RAPGEF5: variants seen among roughly 807,000 people sequenced by gnomAD.
RAPGEF5 encodes M-Ras-regulated GEF.
RAPGEF5 carries 65 observed loss-of-function variants against 125.2 expected under a neutral mutation model. That is an observed-to-expected ratio of 0.52 (90% CI 0.43 to 0.64). The LOEUF (loss-of-function observed/expected upper bound fraction) is 0.64, where lower values mean the gene tolerates loss of function less well. RAPGEF5 is among the 30% of genes least tolerant of loss of function. The pLI is 0.00. For synonymous variants in RAPGEF5, 391 were observed against 385.9 expected (o/e 1.01, Z -0.16); for missense variants, 958 against 1,048.1 (o/e 0.91, Z 1.19).
intron 7 of RAPGEF5, among the ~76,000 whole-genome samples, chr7:22,248,490 C>A (rs11975330): frequency 5.9e-5 from 9 of 151,980 alleles, no homozygotes; most frequent in Non-Finnish European, 1.3e-4. Context: ...GTGATGGAAT[C>A]TGCCCCTTCC....
At chr7:22,170,340 C>A (rs1475092641) in intron 11 of RAPGEF5, among the ~76,000 whole-genome samples, 1 of 152,188 alleles carries the variant, frequency 6.6e-6, no homozygotes, top group Non-Finnish European at 1.5e-5. Flanking sequence ...CGGGCGTGAG[C>A]CACTGAGCCT....
Position 22,156,815 on chromosome 7 carries a change from T to G in RAPGEF5, c.1631A>C (p.Glu544Ala), listed in dbSNP as rs775216639. The G allele has an allele frequency of 9.3e-6, 15 of 1,613,778 alleles. No individual in the cohort carries two copies. In the Admixed American group the frequency reaches 1.2e-4, roughly 13 times the overall value. Residue 544 changes from glutamate to alanine, a missense_variant, in exon 16 of 26, where the codon GAG becomes GCG. Physicochemically the swap from Glu to Ala is moderately radical, Grantham distance 107. Coordinates refer to ENST00000665637, the MANE Select transcript of RAPGEF5 (RefSeq NM_012294.5). The stretch of plus-strand genomic sequence containing the variant: ...TCACTTCAAACCATACTCACTTTCC[T>G]CCGTTTCAGTCACAGTTCCTCTATG... ...LQHRGTVTET[E>A]EIFCHVYITE...
chr7:22,121,908 A>G lies in RAPGEF5; in HGVS notation c.*498T>C, dbSNP rs1010895491. 6.3e-6 allele frequency: 1 copy of G among 157,746 alleles called. No homozygotes were observed. The highest frequency in any genetic ancestry group is 1.4e-5 in the Non-Finnish European group (1 of 70,800). The allele number at this position is 157,746 out of a possible 1,614,324, so 9.8% of individuals were successfully genotyped here. ...TGGTGATGTCACAGGTTGTATCAAC[A>G]GAAACCTCTCCTCCCTGGAGATCTA... On this transcript the variant is annotated 3_prime_UTR_variant, in exon 26 of 26. Coordinates refer to ENST00000665637, the MANE Select transcript of RAPGEF5 (RefSeq NM_012294.5).
At chr7:22,275,443 A>G (rs149831330) in intron 6 of RAPGEF5, among the ~76,000 whole-genome samples, 1 of 152,276 alleles carries the variant, frequency 6.6e-6, no homozygotes, top group African/African-American at 2.4e-5. Flanking sequence ...CATTAACTTC[A>G]AGTATTTCAA....
At chr7:22,155,035 C>T (rs186092127) in intron 16 of RAPGEF5, among the ~76,000 whole-genome samples, 1 of 152,276 alleles carries the variant, frequency 6.6e-6, no homozygotes, top group East Asian at 1.9e-4. Flanking sequence ...TAAATTTTTC[C>T]TTTACACTCC....
At chr7:22,210,478 G>C (rs9639424) in intron 9 of RAPGEF5, among the ~76,000 whole-genome samples, 106,103 of 152,070 alleles carry the variant, frequency 0.7, 37,217 homozygotes, top group East Asian at 0.76. Flanking sequence ...ACCCCGACTC[G>C]CACCTCTGAG....
intron 5 of RAPGEF5, among the ~76,000 whole-genome samples, chr7:22,297,044 T>C (rs1783078906): frequency 6.6e-6 from 1 of 152,242 alleles, no homozygotes; most frequent in Non-Finnish European, 1.5e-5. Flanking sequence ...CAGAAAAGAA[T>C]AGAAGAGGTA....
At chr7:22,202,793 G>A (rs1785308982) in intron 9 of RAPGEF5, 1 of 181,674 alleles carries the variant, frequency 5.5e-6, no homozygotes, top group Admixed American at 5.9e-5. Flanking sequence ...TCAAATCCTA[G>A]AGTTGCCACT....
intron 6 of RAPGEF5, among the ~76,000 whole-genome samples, chr7:22,288,904 T>C (rs1422064920): frequency 6.6e-6 from 1 of 152,356 alleles, no homozygotes; most frequent in East Asian, 1.9e-4. Context: ...CATTAATCTG[T>C]TGTTCAAAAA....
At chr7:22,259,130 C>T (rs1323078139) in intron 7 of RAPGEF5, among the ~76,000 whole-genome samples, 1 of 151,088 alleles carries the variant, frequency 6.6e-6, no homozygotes, top group East Asian at 2.0e-4. Context: ...AACTGTTATC[C>T]AAAATATACA....
intron 17 of RAPGEF5, among the ~76,000 whole-genome samples, chr7:22,152,994 A>G (rs1333607568): frequency 1.3e-5 from 2 of 152,346 alleles, no homozygotes; most frequent in African/African-American, 2.4e-5. Flanking sequence ...CTAATTTAAT[A>G]GAGTGTGAAA....
At chr7:22,282,151 C>T (rs1347315072) in intron 6 of RAPGEF5, among the ~76,000 whole-genome samples, 1 of 152,202 alleles carries the variant, frequency 6.6e-6, no homozygotes, top group Non-Finnish European at 1.5e-5. Flanking sequence ...TAACTGAGCA[C>T]AATGACTTTT....
intron 9 of RAPGEF5, among the ~76,000 whole-genome samples, chr7:22,200,166 A>G (rs1785244669): frequency 6.6e-6 from 1 of 152,148 alleles, no homozygotes; most frequent in Non-Finnish European, 1.5e-5. Context: ...TGTCTGTTAT[A>G]CAAATGTGGG....
At position 22,145,160 on chromosome 7, in the gene RAPGEF5, G is replaced by A. The variant is rs1017363262; in HGVS notation, c.2070C>T (p.Ser690=). The A allele has an allele frequency of 6.2e-7, 1 of 1,613,430 alleles. No individual in the cohort carries two copies. Among genetic ancestry groups the A allele is most frequent in the Non-Finnish European group, 8.5e-7 (1 of 1,179,700 alleles). The change falls in exon 20 of 26, where the codon AGC becomes AGT. Residue 690 remains serine, a synonymous_variant. Transcript: ENST00000665637. The stretch of plus-strand genomic sequence containing the variant: ...CCTCATTGCATCTCTGGAGCAGAAG[G>A]CTGAGATTTGCAGTGTGTTCCCCAC... The part of the protein sequence containing the change: ...QGSGEHTANL[S]LLLQRCNEVQ...
At chr7:22,163,654 G>T (rs1015895482) in intron 12 of RAPGEF5, among the ~76,000 whole-genome samples, 2 of 152,070 alleles carry the variant, frequency 1.3e-5, no homozygotes, top group African/African-American at 4.8e-5. Context: ...AACCTCAAAG[G>T]CAAAGTGTTT....
At chr7:22,241,559 T>C (rs1309861230) in intron 7 of RAPGEF5, among the ~76,000 whole-genome samples, 1 of 152,232 alleles carries the variant, frequency 6.6e-6, no homozygotes, top group South Asian at 2.1e-4. Flanking sequence ...TGTACAATTG[T>C]TTGTGAAATT....
chr7:22,349,419 A>AT, intron 1 of RAPGEF5, among the ~76,000 whole-genome samples: 1 of 122,938 alleles, frequency 8.1e-6, no homozygotes, highest in Non-Finnish European at 1.7e-5. Context: ...GTGAGACTCC[A>AT]TCCAAAAAAA....
At chr7:22,171,188 G>T (rs1402564931) in intron 11 of RAPGEF5, among the ~76,000 whole-genome samples, 2 of 152,092 alleles carry the variant, frequency 1.3e-5, no homozygotes, top group African/African-American at 4.8e-5. Flanking sequence ...TTAGAACCAT[G>T]ATGGTTATAT....
chr7:22,350,015 T>C lies in RAPGEF5; in HGVS notation c.231+6815A>G, dbSNP rs547669106. ...CGAATGATTTACCATAATAATGATT[T>C]GCCACAACAAATTAAGTCATTGATT... On this transcript the variant is annotated intron_variant, in intron 1 of 25. Coordinates refer to ENST00000665637, the MANE Select transcript of RAPGEF5 (RefSeq NM_012294.5). Among the ~76,000 whole-genome samples, 2 of 152,240 alleles carry C rather than the reference T, an allele frequency of 1.3e-5. 1 individual carries two copies. The highest frequency in any genetic ancestry group is 2.9e-5 in the Non-Finnish European group (2 of 68,042).
Sources: allele counts gnomAD v4.1 joint callset (sites outside exome capture counted in the v4.1 genomes callset), GRCh38; gene constraint gnomAD v4.1.1; transcripts MANE v1.5; gene names NCBI Gene and HGNC (gene_info 2026-07-23, HGNC 2026-07-21).